The following BMPR2 variants were observed in gnomAD, a reference collection of about 807,000 sequenced individuals.
BMPR2 encodes bone morphogenetic protein receptor type-2.
Under a neutral mutation model 100.8 loss-of-function variants are expected in BMPR2, and 29 were observed. The observed-to-expected ratio is 0.29, with a 90% CI of 0.21 to 0.39. The LOEUF is 0.39. BMPR2 is among the 10% of genes least tolerant of loss of function. The pLI, the probability that BMPR2 is intolerant of heterozygous loss-of-function variation, is 1.00. For missense variants in BMPR2, 1,011 were observed against 1,274.5 expected, an observed-to-expected ratio of 0.79 and a Z score of 3.15; for synonymous variants, 382 against 442.3, an observed-to-expected ratio of 0.86 and a Z score of 1.71.
intron 9 of BMPR2, among the ~76,000 whole-genome samples, chr2:202,537,416 A>C (rs1688181292): frequency 6.6e-6 from 1 of 152,230 alleles, no homozygotes; most frequent in Non-Finnish European, 1.5e-5. Context: ...AAATGTTTGA[A>C]TAGGGAAAGG....
At chr2:202,538,735 A>T (rs563510486) in intron 9 of BMPR2, among the ~76,000 whole-genome samples, 2 of 150,108 alleles carry the variant, frequency 1.3e-5, no homozygotes, top group South Asian at 2.1e-4. Context: ...CAGAGGTTGC[A>T]GTGAGCAGAG....
chr2:202,439,091 G>A (rs1168901609), intron 1 of BMPR2, among the ~76,000 whole-genome samples: 2 of 150,290 alleles, frequency 1.3e-5, no homozygotes, highest in African/African-American at 5.0e-5. Context: ...CTTATAATCA[G>A]TGAGCATGGG....
chr2:202,466,171 A>G (rs1692317353), intron 2 of BMPR2, among the ~76,000 whole-genome samples: 1 of 152,192 alleles, frequency 6.6e-6, no homozygotes, highest in African/African-American at 2.4e-5. Context: ...GTTATAAGAT[A>G]TATCAATATT....
At chr2:202,494,843 T>A (rs72925089) in intron 3 of BMPR2, among the ~76,000 whole-genome samples, 25,534 of 152,226 alleles carry the variant, frequency 0.17, 2,465 homozygotes, top group Middle Eastern at 0.24. Context: ...GGATCTCATA[T>A]TTTTAGACCA....
intron 5 of BMPR2, 31 bp downstream of exon 5, chr2:202,515,010 T>C: frequency 6.4e-7 from 1 of 1,567,936 alleles, no homozygotes; most frequent in Non-Finnish European, 8.8e-7. Flanking sequence ...TGGACTGTTG[T>C]TTCTACTGTG....
At chr2:202,390,064 T>G (rs557159923) in intron 1 of BMPR2, among the ~76,000 whole-genome samples, 1 of 152,006 alleles carries the variant, frequency 6.6e-6, no homozygotes, top group Non-Finnish European at 1.5e-5. Flanking sequence ...CCAGTGTTAA[T>G]AGTTGGTGTA....
rs1367684566 is a variant in BMPR2, at chr2:202,481,589, G to A, written c.418+13900G>A. On this transcript the variant is annotated intron_variant, in intron 3 of 12. Coordinates refer to ENST00000374580, the MANE Select transcript of BMPR2 (RefSeq NM_001204.7). Reference sequence around the variant, plus strand: ...AAGACAACTGGGATTTTGATAGGCAGTTTGGGGAGTATTGCTATATTAACA... The same window carrying A: ...AAGACAACTGGGATTTTGATAGGCAATTTGGGGAGTATTGCTATATTAACA... Among the ~76,000 whole-genome samples, 3 of 152,178 alleles carry A rather than the reference G, an allele frequency of 2.0e-5. No individual in the cohort carries two copies. The South Asian group carries it at 6.2e-4, about 32-fold the overall frequency.
At chr2:202,383,039 T>G (rs1690334637) in intron 1 of BMPR2, among the ~76,000 whole-genome samples, 1 of 152,222 alleles carries the variant, frequency 6.6e-6, no homozygotes, top group African/African-American at 2.4e-5. Context: ...TAATTACTAC[T>G]TAATCTATAT....
intron 3 of BMPR2, among the ~76,000 whole-genome samples, chr2:202,505,565 T>C (rs573125211): frequency 2.0e-5 from 3 of 152,210 alleles, no homozygotes; most frequent in Non-Finnish European, 2.9e-5. Flanking sequence ...GATGCTTTAC[T>C]TCCAGTTGAT....
At chr2:202,379,838 T>TTTTCTTTCTTTCGTTCTTTCGTTCTTTC (rs1690234648) in intron 1 of BMPR2, among the ~76,000 whole-genome samples, 1 of 150,346 alleles carries the variant, frequency 6.7e-6, no homozygotes, top group African/African-American at 2.4e-5. Flanking sequence ...TCTTAGAACA[T>TTTTCTTTCTTTCGTTCTTTCGTTCTTTC]TTTCTTTCTT....
At chr2:202,477,048 A>C in intron 3 of BMPR2, among the ~76,000 whole-genome samples, 1 of 152,118 alleles carries the variant, frequency 6.6e-6, no homozygotes, top group East Asian at 1.9e-4. Context: ...ATAGGTCATC[A>C]GTCGTAGTGC....
intron 1 of BMPR2, among the ~76,000 whole-genome samples, chr2:202,400,166 A>T (rs1690741302): frequency 6.6e-6 from 1 of 151,894 alleles, no homozygotes; most frequent in African/African-American, 2.4e-5. Context: ...TGGAGATGAG[A>T]TCTTGCTCTG....
At chr2:202,446,871 C>G (rs935956846) in intron 1 of BMPR2, among the ~76,000 whole-genome samples, 6 of 147,126 alleles carry the variant, frequency 4.1e-5, no homozygotes, top group Non-Finnish European at 8.9e-5. Flanking sequence ...AGGCTGGTCT[C>G]AAACTCCCGA....
chr2:202,426,384 C>G (rs1275214730), intron 1 of BMPR2, among the ~76,000 whole-genome samples: 2 of 151,804 alleles, frequency 1.3e-5, no homozygotes, highest in Admixed American at 1.3e-4. Flanking sequence ...AGTTTGAAAC[C>G]AGCCTGGCCA....
chr2:202,534,614 A>G (rs1688093085), intron 9 of BMPR2, among the ~76,000 whole-genome samples: 5 of 152,192 alleles, frequency 3.3e-5, no homozygotes, highest in Admixed American at 2.6e-4. Context: ...AGGCAGAAGA[A>G]GTTTTCTTAG....
intron 1 of BMPR2, among the ~76,000 whole-genome samples, chr2:202,394,362 A>T (rs367623669): frequency 6.8e-6 from 1 of 146,204 alleles, no homozygotes; most frequent in Non-Finnish European, 1.5e-5. Context: ...AAAAAAAAAA[A>T]AGTAATAATA....
At chr2:202,385,662 C>CA (rs34934213) in intron 1 of BMPR2, among the ~76,000 whole-genome samples, 25,447 of 81,806 alleles carry the variant, frequency 0.31, 3,095 homozygotes, top group East Asian at 0.6. Flanking sequence ...CCACGCCTGG[C>CA]AAAAAAAAAA....
chr2:202,421,192 A>T (rs968745373), intron 1 of BMPR2, among the ~76,000 whole-genome samples: 3 of 151,910 alleles, frequency 2.0e-5, no homozygotes, highest in African/African-American at 7.3e-5. Flanking sequence ...CGGAGGTTGC[A>T]GTGAGCTGAG....
intron 1 of BMPR2, among the ~76,000 whole-genome samples, chr2:202,437,134 T>G (rs1253803269): frequency 6.7e-6 from 1 of 150,250 alleles, no homozygotes; most frequent in Non-Finnish European, 1.5e-5. Flanking sequence ...GCCTCCAGAG[T>G]AGCTGGGATT....
Sources: gnomAD v4.1 joint callset for allele counts (sites outside exome capture counted in the v4.1 genomes callset) on GRCh38, gnomAD v4.1.1 for gene constraint, MANE v1.5 for transcripts, NCBI Gene and HGNC (gene_info 2026-07-23, HGNC 2026-07-21) for gene names.